SLC16A7: variants seen among roughly 807,000 people sequenced by gnomAD.
SLC16A7 encodes solute carrier family 16 member 7, also known as monocarboxylate transporter 2.
SLC16A7 carries 33 observed loss-of-function variants against 34.9 expected under a neutral mutation model. The observed-to-expected ratio is 0.94, with a 90% CI of 0.72 to 1.26. The LOEUF is 1.26. Ranked by LOEUF, SLC16A7 falls within the 50% of genes most tolerant of loss-of-function variation. SLC16A7 has a pLI of 0.00. For missense variants in SLC16A7, 573 were observed against 578.1 expected (o/e 0.99, Z 0.09); for synonymous variants, 201 against 206.6 (o/e 0.97, Z 0.23).
At chr12:59,756,345 C>G (rs973145307) in intron 3 of SLC16A7, among the ~76,000 whole-genome samples, 5 of 151,862 alleles carry the variant, frequency 3.3e-5, no homozygotes, top group African/African-American at 4.8e-5. Flanking sequence ...GAAAATTTTC[C>G]CAACCTACTC....
intron 2 of SLC16A7, among the ~76,000 whole-genome samples, chr12:59,684,095 T>TGCA (rs1397615075): frequency 6.6e-6 from 1 of 152,214 alleles, no homozygotes; most frequent in African/African-American, 2.4e-5. Flanking sequence ...ACGTGACTCT[T>TGCA]GCATGAAACT....
At chr12:59,603,863 A>G (rs972090394) in intron 1 of SLC16A7, among the ~76,000 whole-genome samples, 1 of 152,198 alleles carries the variant, frequency 6.6e-6, no homozygotes, top group African/African-American at 2.4e-5. Context: ...TTAAGTGTAC[A>G]CACTGAGGCA....
chr12:59,641,619 T>C (rs1244766668), intron 1 of SLC16A7, among the ~76,000 whole-genome samples: 4 of 152,062 alleles, frequency 2.6e-5, no homozygotes, highest in South Asian at 2.1e-4. Flanking sequence ...AATATTGCCT[T>C]TGTAACTTTT....
At chr12:59,758,017 G>T (rs1880587887) in intron 3 of SLC16A7, among the ~76,000 whole-genome samples, 1 of 151,820 alleles carries the variant, frequency 6.6e-6, no homozygotes, top group South Asian at 2.1e-4. Context: ...TTTGTTAATT[G>T]ACAAATAAGT....
chr12:59,618,630 A>G (rs917434912), intron 1 of SLC16A7, among the ~76,000 whole-genome samples: 5 of 151,950 alleles, frequency 3.3e-5, no homozygotes, highest in African/African-American at 4.8e-5. Context: ...AGTCCAAAAT[A>G]CATCATAGTT....
At chr12:59,660,110 C>T (rs1231894816) in intron 2 of SLC16A7, among the ~76,000 whole-genome samples, 3 of 151,572 alleles carry the variant, frequency 2.0e-5, no homozygotes, top group Admixed American at 1.3e-4. Context: ...TTTAAAGAGC[C>T]CTTTAAATAA....
chr12:59,708,912 A>G (rs528739303), intron 3 of SLC16A7, among the ~76,000 whole-genome samples: 1 of 151,834 alleles, frequency 6.6e-6, no homozygotes, highest in Admixed American at 6.6e-5. Context: ...CATTACAGCA[A>G]TCCATCTGGA....
chr12:59,709,897 C>T (rs374005842), intron 3 of SLC16A7, among the ~76,000 whole-genome samples: 8 of 151,662 alleles, frequency 5.3e-5, no homozygotes, highest in East Asian at 1.9e-4. Context: ...TAAATATAAG[C>T]GGAAGGACAT....
intron 4 of SLC16A7, 36 bp from the exon 5 acceptor site, chr12:59,774,617 GTGTT>G (rs1882551031): frequency 7.8e-7 from 1 of 1,280,574 alleles, no homozygotes. Context: ...GTGCCATAAT[GTGTT>G]TGTGTTTTCC....
At chr12:59,658,579 C>T (rs948633932) in intron 2 of SLC16A7, among the ~76,000 whole-genome samples, 6 of 151,940 alleles carry the variant, frequency 3.9e-5, no homozygotes, top group South Asian at 2.1e-4. Context: ...GCCTTCTTTG[C>T]CTTTCCATGC....
At chr12:59,599,968 A>C (rs1183266101) in intron 1 of SLC16A7, among the ~76,000 whole-genome samples, 8 of 152,166 alleles carry the variant, frequency 5.3e-5, no homozygotes, top group Non-Finnish European at 5.9e-5. Flanking sequence ...TGCTTGGGAC[A>C]GGACAGGGCA....
intron 1 of SLC16A7, among the ~76,000 whole-genome samples, chr12:59,599,689 GA>G (rs938164146): frequency 2.0e-5 from 3 of 152,158 alleles, no homozygotes; most frequent in Non-Finnish European, 2.9e-5. Context: ...ATGCGGCAAA[GA>G]ATAATTACAT....
rs189149255 is a variant in SLC16A7 at position 59,789,319 on chromosome 12, C to T, written c.*9640C>T. ...AAAGTAAGACATAGAAAACAAAACACCTGTAGCATTTTCTTTATTTAAAAT... is the reference window on the plus strand; with the variant it reads ...AAAGTAAGACATAGAAAACAAAACATCTGTAGCATTTTCTTTATTTAAAAT... On this transcript the variant is annotated 3_prime_UTR_variant, in exon 6 of 6. Transcript: ENST00000547379. 3.3e-5 allele frequency: 5 copies of T among 152,214 alleles called. No individual in the cohort carries two copies. In the East Asian group the frequency reaches 9.7e-4, roughly 29 times the overall value. The allele number at this position is 152,214 out of a possible 1,614,324, so 9.4% of individuals were successfully genotyped here.
chr12:59,626,149 ATAATCT>A (rs1879920200), intron 1 of SLC16A7, among the ~76,000 whole-genome samples: 1 of 151,824 alleles, frequency 6.6e-6, no homozygotes, highest in African/African-American at 2.4e-5. Flanking sequence ...ATTATAGAAA[ATAATCT>A]TAATTTTTTT....
In SLC16A7 at chr12:59,632,128, A is replaced by T. The variant is rs555394159; in HGVS notation, c.-129-23024A>T. On this transcript the variant is annotated intron_variant, in intron 1 of 5. Transcript: ENST00000547379. ...AAAGTAGACGGAATGAGTAAAAGAC[A>T]TGCTAGCAGAGGGAAGATGGAACAG... Among the ~76,000 whole-genome samples, 20 of 152,062 alleles carry T rather than the reference A, an allele frequency of 1.3e-4. No individual in the cohort carries two copies. In the South Asian group the frequency reaches 4.1e-3, roughly 32 times the overall value.
At chr12:59,700,114 T>C (rs1476666827) in intron 2 of SLC16A7, among the ~76,000 whole-genome samples, 2 of 151,812 alleles carry the variant, frequency 1.3e-5, no homozygotes, top group East Asian at 1.9e-4. Context: ...AAGTTCAATG[T>C]CAGTGAATCA....
intron 2 of SLC16A7, among the ~76,000 whole-genome samples, chr12:59,671,841 ATG>A (rs1249032407): frequency 7.6e-6 from 1 of 131,980 alleles, no homozygotes; most frequent in Admixed American, 7.9e-5. Flanking sequence ...ATATGTATAT[ATG>A]TGTATATATA....
At chr12:59,691,904 G>A (rs971119396) in intron 2 of SLC16A7, among the ~76,000 whole-genome samples, 1 of 151,986 alleles carries the variant, frequency 6.6e-6, no homozygotes, top group African/African-American at 2.4e-5. Context: ...CATCTTTGTA[G>A]TGCAGTTGCT....
chr12:59,724,909 A>T (rs1876053048), intron 3 of SLC16A7, among the ~76,000 whole-genome samples: 1 of 151,968 alleles, frequency 6.6e-6, no homozygotes, highest in Non-Finnish European at 1.5e-5. Flanking sequence ...ATAATAGAAA[A>T]TTTTTGGTTT....
Sources: gnomAD v4.1 joint callset for allele counts (sites outside exome capture counted in the v4.1 genomes callset) on GRCh38, gnomAD v4.1.1 for gene constraint, MANE v1.5 for transcripts, NCBI Gene and HGNC (gene_info 2026-07-23, HGNC 2026-07-21) for gene names.